Variants in EDIL3 observed in about 807,000 individuals in gnomAD.
EDIL3 encodes EGF-like repeat and discoidin I-like domain-containing protein 3.
EDIL3 carries 37 observed loss-of-function variants against 67.4 expected under a neutral mutation model. The ratio of observed to expected loss-of-function variants is 0.55; its 90% confidence interval spans 0.42 to 0.72. The LOEUF (loss-of-function observed/expected upper bound fraction) is 0.72. Ranked by LOEUF, EDIL3 falls within the 30% of genes least tolerant of loss-of-function variation. The pLI is 0.00. For missense variants in EDIL3, 527 were observed against 586.3 expected, an observed-to-expected ratio of 0.90 and a Z score of 1.04; for synonymous variants, 195 against 196.3, an observed-to-expected ratio of 0.99 and a Z score of 0.05.
chr5:83,955,899 T>C (rs1744506328), intron 10 of EDIL3, among the ~76,000 whole-genome samples: 1 of 151,976 alleles, frequency 6.6e-6, no homozygotes. Flanking sequence ...CAGTGTTTAA[T>C]ATTAGAAAAT....
At chr5:84,232,915 T>C (rs1744611111) in intron 2 of EDIL3, among the ~76,000 whole-genome samples, 1 of 152,210 alleles carries the variant, frequency 6.6e-6, no homozygotes, top group South Asian at 2.1e-4. Context: ...TTAGTTGCCT[T>C]ATTAATGACA....
intron 9 of EDIL3, among the ~76,000 whole-genome samples, chr5:84,023,088 A>T (rs908478480): frequency 5.3e-5 from 8 of 152,138 alleles, no homozygotes; most frequent in African/African-American, 1.9e-4. Context: ...AAATGAGTCT[A>T]AAGAAGTGTC....
chr5:83,985,086 C>T (rs964777593), intron 9 of EDIL3, among the ~76,000 whole-genome samples: 1 of 151,846 alleles, frequency 6.6e-6, no homozygotes, highest in Admixed American at 6.6e-5. Context: ...CCCATTCCAG[C>T]CTAAATAAAA....
chr5:84,189,111 A>G (rs1311358361), intron 3 of EDIL3, among the ~76,000 whole-genome samples: 2 of 151,978 alleles, frequency 1.3e-5, no homozygotes, highest in Non-Finnish European at 2.9e-5. Context: ...TATTATCAGT[A>G]ATTAAAATCT....
chr5:84,226,797 A>G (rs901686580), intron 3 of EDIL3, among the ~76,000 whole-genome samples: 1 of 151,998 alleles, frequency 6.6e-6, no homozygotes, highest in African/African-American at 2.4e-5. Context: ...TCTAGAAATG[A>G]AAGTATTTTT....
At chr5:84,180,576 T>C in intron 3 of EDIL3, 55 bp from the exon 4 acceptor site, 1 of 1,484,330 alleles carries the variant, frequency 6.7e-7, no homozygotes, top group Non-Finnish European at 9.0e-7. Context: ...AAGTAGACAT[T>C]AGGTCAACAT....
At chr5:84,134,951 C>A (rs1748061662) in intron 5 of EDIL3, among the ~76,000 whole-genome samples, 1 of 152,080 alleles carries the variant, frequency 6.6e-6, no homozygotes, top group Non-Finnish European at 1.5e-5. Flanking sequence ...CACAGAAAAG[C>A]AAAGGTTTTC....
chr5:83,985,671 T>C (rs1483669278), intron 9 of EDIL3, among the ~76,000 whole-genome samples: 1 of 152,068 alleles, frequency 6.6e-6, no homozygotes, highest in Non-Finnish European at 1.5e-5. Flanking sequence ...TTTATGTCTG[T>C]CTGAACTCTC....
chr5:84,008,043 A>G (rs1745451534), intron 9 of EDIL3, among the ~76,000 whole-genome samples: 1 of 152,132 alleles, frequency 6.6e-6, no homozygotes, highest in Non-Finnish European at 1.5e-5. Context: ...GACAAACTTC[A>G]CATATTTTCA....
In EDIL3 at chr5:83,967,083, G is replaced by T. The variant is rs186032830; in HGVS notation, c.1138-3723C>A. Among the ~76,000 whole-genome samples, 29 of 152,218 alleles carry T rather than the reference G, an allele frequency of 1.9e-4. No homozygotes were observed. In the East Asian group the frequency reaches 5.0e-3, roughly 26 times the overall value. On this transcript the variant is annotated intron_variant, in intron 9 of 10. Coordinates refer to ENST00000296591, the MANE Select transcript of EDIL3 (RefSeq NM_005711.5). ...CACGCTTGTAATCCCAGCACTTTGGGAGGCCGAGAGGCAGATGGTTTGAGC... is the reference window on the plus strand; with the variant it reads ...CACGCTTGTAATCCCAGCACTTTGGTAGGCCGAGAGGCAGATGGTTTGAGC...
At chr5:84,050,544 C>T (rs1746316138) in intron 9 of EDIL3, among the ~76,000 whole-genome samples, 2 of 152,194 alleles carry the variant, frequency 1.3e-5, no homozygotes, top group Non-Finnish European at 2.9e-5. Flanking sequence ...TGCAAGGGGT[C>T]AGGGAATTCC....
At chr5:84,247,231 C>A (rs1473153228) in intron 2 of EDIL3, among the ~76,000 whole-genome samples, 1 of 152,092 alleles carries the variant, frequency 6.6e-6, no homozygotes, top group African/African-American at 2.4e-5. Flanking sequence ...ACCCCGACAA[C>A]TACTCACAAT....
chr5:84,209,824 G>A (rs1471638264), intron 3 of EDIL3, among the ~76,000 whole-genome samples: 1 of 152,034 alleles, frequency 6.6e-6, no homozygotes, highest in Non-Finnish European at 1.5e-5. Context: ...ATGTTTTCTT[G>A]ACATATTTTT....
intron 1 of EDIL3, among the ~76,000 whole-genome samples, chr5:84,326,927 A>G (rs897721137): frequency 7.3e-5 from 11 of 151,696 alleles, no homozygotes; most frequent in Non-Finnish European, 1.3e-4. Context: ...CTACAATCTA[A>G]TTTTTAGATG....
At chr5:84,148,413 G>A (rs368157580) in intron 4 of EDIL3, among the ~76,000 whole-genome samples, 1 of 151,932 alleles carries the variant, frequency 6.6e-6, no homozygotes, top group Admixed American at 6.6e-5. Context: ...ACACTGAATG[G>A]GATAATTCAA....
chr5:84,285,212 T>C (rs914219431), intron 1 of EDIL3, among the ~76,000 whole-genome samples: 9 of 152,224 alleles, frequency 5.9e-5, no homozygotes, highest in African/African-American at 2.2e-4. Context: ...TTAATATTCA[T>C]TGATTCTAAG....
intron 6 of EDIL3, among the ~76,000 whole-genome samples, chr5:84,095,435 C>T (rs1237759456): frequency 6.6e-6 from 1 of 152,116 alleles, no homozygotes; most frequent in Non-Finnish European, 1.5e-5. Context: ...ATGACATGGA[C>T]AATGAAATCC....
chr5:84,287,443 T>C (rs920906618), intron 1 of EDIL3, among the ~76,000 whole-genome samples: 7 of 152,180 alleles, frequency 4.6e-5, no homozygotes, highest in Admixed American at 4.6e-4. Flanking sequence ...AGATTCTGAA[T>C]AATTTGCAAT....
chr5:84,317,317 C>G (rs1015834664), intron 1 of EDIL3, among the ~76,000 whole-genome samples: 1 of 151,978 alleles, frequency 6.6e-6, no homozygotes, highest in African/African-American at 2.4e-5. Context: ...TCAATGAATC[C>G]AGGAGCTGAT....
Sources: allele counts gnomAD v4.1 joint callset (sites outside exome capture counted in the v4.1 genomes callset), GRCh38; gene constraint gnomAD v4.1.1; transcripts MANE v1.5; gene names NCBI Gene and HGNC (gene_info 2026-07-23, HGNC 2026-07-21).